The following ZNF630 variants were observed in gnomAD, a reference collection of about 807,000 sequenced individuals.
ZNF630 encodes the protein zinc finger protein 630.
Under a neutral mutation model 7.2 loss-of-function variants are expected in ZNF630, and 5 were observed. The observed-to-expected ratio is 0.70, with a 90% CI of 0.36 to 1.46. The LOEUF (loss-of-function observed/expected upper bound fraction) is 1.46. Ranked by LOEUF, ZNF630 falls within the 40% of genes most tolerant of loss-of-function variation. ZNF630 has a pLI of 0.03. For synonymous variants in ZNF630, 158 were observed against 162.8 expected (o/e 0.97, Z 0.23); for missense variants, 461 against 477.0 (o/e 0.97, Z 0.31).
At chrX:48,064,122 A>C (rs2059119357) in intron 2 of ZNF630, among the ~76,000 whole-genome samples, 1 of 110,653 alleles carries the variant, frequency 9.0e-6, no homozygotes. Flanking sequence ...AAAAATGGGA[A>C]TAACAATGGT....
chrX:48,059,544 A>G lies in ZNF630; in HGVS notation c.898T>C (p.Phe300Leu). ...PYVCGDCRKA[F>L]SEKSHLIVHQ... ...ACAATGAGGTGTGATTTCTCACTGA[A>G]GGCTTTCCTACAATCTCCACATACA... is the stretch of plus-strand genomic sequence containing the variant. The change falls in exon 5 of 5, where the codon TTC becomes CTC. Residue 300 changes from phenylalanine to leucine, a missense_variant. Transcript: ENST00000276054. 1 of 1,207,705 alleles carries G rather than the reference A, an allele frequency of 8.3e-7. No individual in the cohort carries two copies. The highest frequency in any genetic ancestry group is 1.1e-6 in the Non-Finnish European group (1 of 893,050).
intron 1 of ZNF630, among the ~76,000 whole-genome samples, chrX:48,068,043 C>T (rs1026673145): frequency 9.5e-6 from 1 of 105,137 alleles, no homozygotes; most frequent in African/African-American, 3.5e-5. Context: ...GCCTGGGCAA[C>T]GAGCGAGTGA....
At chrX:48,068,515 C>T (rs1484539859) in intron 1 of ZNF630, among the ~76,000 whole-genome samples, 1 of 112,397 alleles carries the variant, frequency 8.9e-6, no homozygotes, top group Non-Finnish European at 1.9e-5. Flanking sequence ...TCCAATTAAA[C>T]ATCATTTTTG....
At chrX:48,070,548 G>A (rs1368472463) in intron 1 of ZNF630, among the ~76,000 whole-genome samples, 4 of 106,004 alleles carry the variant, frequency 3.8e-5, no homozygotes, top group Non-Finnish European at 7.8e-5. Flanking sequence ...AGGAGGTGGA[G>A]GTTGCAGTGA....
rs782145898 is a variant in ZNF630, at chrX:48,057,854, G to C, written c.*614C>G. On this transcript the variant is annotated 3_prime_UTR_variant, in exon 5 of 5. Transcript: ENST00000276054. The stretch of plus-strand genomic sequence containing the variant: ...GTGGATCACCTGAGGTCAGGAGTTC[G>C]AGACCAGCCTTGCCAACATGGTGAA... Among the ~76,000 whole-genome samples the C allele has an allele frequency of 5.9e-3, 645 of 110,167 alleles. 9 individuals carry two copies. The highest frequency in any genetic ancestry group is 0.021 in the African/African-American group (628 of 30,172).
In ZNF630 at chrX:48,059,185, A is replaced by G. The variant is rs2071963; in HGVS notation, c.1257T>C (p.Ile419=). 22 of 1,206,984 alleles carry G rather than the reference A, an allele frequency of 1.8e-5. No homozygotes were observed. In the East Asian group the frequency reaches 6.2e-4, roughly 34 times the overall value. The part of the protein sequence containing the change: ...GKTFPRKTQL[I]IHQRTHTGEK... Reference sequence around the variant, plus strand: ...CTCCAGTATGCGTTCTCTGATGTATAATGAGCTGTGTTTTCCGAGGGAAGG... The same window carrying G: ...CTCCAGTATGCGTTCTCTGATGTATGATGAGCTGTGTTTTCCGAGGGAAGG... Residue 419 remains isoleucine (I), a synonymous_variant, in exon 5 of 5, where the codon ATT becomes ATC. Coordinates refer to ENST00000276054, the MANE Select transcript of ZNF630 (RefSeq NM_001282201.2).
intron 1 of ZNF630, 107 bp from the exon 2 acceptor site, chrX:48,067,168 A>G (rs1242844462): frequency 1.9e-5 from 6 of 309,411 alleles, no homozygotes; most frequent in Non-Finnish European, 3.4e-5. Context: ...GCCCAGCACT[A>G]AAGACTGCTG....
intron 2 of ZNF630, among the ~76,000 whole-genome samples, chrX:48,063,155 C>T (rs782676520): frequency 4.6e-5 from 5 of 107,695 alleles, no homozygotes; most frequent in African/African-American, 1.7e-4. Context: ...ATTCTAGGAA[C>T]TGGGGATACA....
chrX:48,059,604 T>G lies in ZNF630; in HGVS notation c.838A>C (p.Ile280Leu). The change falls in exon 5 of 5, where the codon ATA becomes CTA. Residue 280 changes from isoleucine (I) to leucine (L), a missense_variant. By Grantham distance (5) the Ile-to-Leu change is conservative (BLOSUM62 2). Coordinates refer to ENST00000276054, the MANE Select transcript of ZNF630 (RefSeq NM_001282201.2). ...TCTCCAGTATGAATTCTTTGATGTA[T>G]AATGAGCTGTGACTTCTTGATAAAG... is the stretch of plus-strand genomic sequence containing the variant. ...KAFIKKSQLIIHQRIHTGEKP... is the reference protein window; with the variant it reads ...KAFIKKSQLILHQRIHTGEKP... The G allele has an allele frequency of 8.3e-7, 1 of 1,208,768 alleles. No homozygotes were observed.
Position 48,060,977 on chromosome X carries a change from G to A in ZNF630, c.16-32C>T, listed in dbSNP as rs727079. On this transcript the variant is annotated intron_variant, in intron 2 of 4. Coordinates refer to ENST00000276054, the MANE Select transcript of ZNF630 (RefSeq NM_001282201.2). Reference sequence around the variant, plus strand: ...CAGCACATTCCTGTACAATCTGCTCGTTCTGGTCATTTTTACCATAGCAGT... The same window carrying A: ...CAGCACATTCCTGTACAATCTGCTCATTCTGGTCATTTTTACCATAGCAGT... 5.6e-3 allele frequency: 6,521 copies of A among 1,156,379 alleles called. 54 individuals carry two copies. Among genetic ancestry groups the A allele is most frequent in the Non-Finnish European group, 6.9e-3 (5,912 of 860,855 alleles).
Position 48,059,846 on chromosome X carries a change from G to T in ZNF630, c.596C>A (p.Ala199Glu), listed in dbSNP as rs183951767. The change falls in exon 5 of 5, where the codon GCA becomes GAA. Residue 199 changes from alanine to glutamate, a missense_variant. Transcript: ENST00000276054. ...SDLLNYNRSY[A>E]RKNPTKRFRC... ...AAATCTCTTAGTGGGGTTCTTTCTT[G>T]CATAGCTCCTGTTATAATTTAGTAA... 208 of 1,206,415 alleles carry T rather than the reference G, an allele frequency of 1.7e-4. 1 individual carries two copies. The highest frequency in any genetic ancestry group is 8.1e-5 in the Non-Finnish European group (72 of 892,791).
chrX:48,058,991 T>C lies in ZNF630; in HGVS notation c.1451A>G (p.Glu484Gly), dbSNP rs782060742. 9.9e-6 allele frequency: 12 copies of C among 1,206,567 alleles called. No homozygotes were observed. Among genetic ancestry groups the C allele is most frequent in the Non-Finnish European group, 1.3e-5 (12 of 892,916 alleles). ...LTGHQRLHTG[E>G]KPYMCTECGK... Reference sequence around the variant, plus strand: ...ACATTCAGTACACATATAAGGTTTCTCTCCAGTATGAAGTCTTTGATGGCC... The same window carrying C: ...ACATTCAGTACACATATAAGGTTTCCCTCCAGTATGAAGTCTTTGATGGCC... Residue 484 changes from glutamate (E) to glycine (G), a missense_variant, in exon 5 of 5, where the codon GAG (glutamate) becomes GGG (glycine). Glu to Gly is a moderately conservative substitution (Grantham distance 98). Coordinates refer to ENST00000276054, the MANE Select transcript of ZNF630 (RefSeq NM_001282201.2).
chrX:48,058,725 A>C lies in ZNF630; in HGVS notation c.1717T>G (p.Cys573Gly). The C allele has an allele frequency of 2.5e-6, 3 of 1,207,839 alleles. No individual in the cohort carries two copies. The highest frequency in any genetic ancestry group is 2.2e-6 in the Non-Finnish European group (2 of 892,861). ...RGHTGEKPYECSECGKAFCGK... is the reference protein window; with the variant it reads ...RGHTGEKPYEGSECGKAFCGK... ...CAGAAGGCCTTTCCACATTCACTAC[A>C]TTCATAGGGTTTCTCTCCAGTATGA... The change falls in exon 5 of 5, where the codon TGT (cysteine) becomes GGT (glycine). Residue 573 changes from cysteine (C) to glycine (G), a missense_variant. Cys to Gly is a radical substitution (Grantham distance 159, BLOSUM62 -3). Coordinates refer to ENST00000276054, the MANE Select transcript of ZNF630 (RefSeq NM_001282201.2).
intron 2 of ZNF630, among the ~76,000 whole-genome samples, chrX:48,062,133 G>A (rs1339891038): frequency 1.8e-5 from 2 of 111,549 alleles, no homozygotes; most frequent in Non-Finnish European, 3.8e-5. Flanking sequence ...GTGACTTAGG[G>A]TAAGTTAGTG....
intron 2 of ZNF630, among the ~76,000 whole-genome samples, chrX:48,066,057 C>T (rs781973145): frequency 6.3e-5 from 7 of 110,846 alleles, no homozygotes; most frequent in African/African-American, 9.9e-5. Flanking sequence ...AGTAGCAGAA[C>T]GGAATAGAAA....
chrX:48,070,478 T>G (rs2059155055), intron 1 of ZNF630, among the ~76,000 whole-genome samples: 2 of 108,108 alleles, frequency 1.8e-5, no homozygotes, highest in Admixed American at 9.9e-5. Context: ...CCAGGCGTGG[T>G]GGCAGGCGCC....
chrX:48,060,386 GGATGTCAGA>G, intron 4 of ZNF630, 55 bp downstream of exon 4: 2 of 1,070,658 alleles, frequency 1.9e-6, no homozygotes, highest in Non-Finnish European at 2.5e-6. Flanking sequence ...AAAAGGTAAC[GGATGTCAGA>G]GATGTCAAGG....
chrX:48,060,244 C>T (rs1556908961), intron 4 of ZNF630, 41 bp from the exon 5 acceptor site: 2 of 24,536 alleles, frequency 8.2e-5, no homozygotes, highest in South Asian at 2.5e-3. Context: ...TACACACACA[C>T]ACACACACAC....
intron 1 of ZNF630, among the ~76,000 whole-genome samples, chrX:48,067,641 A>C (rs1299594322): frequency 2.7e-5 from 3 of 111,796 alleles, no homozygotes; most frequent in African/African-American, 9.8e-5. Context: ...TCTACTAAAA[A>C]AATGCAAAAA....
Sources: gnomAD v4.1 joint callset for allele counts (sites outside exome capture counted in the v4.1 genomes callset) on GRCh38, gnomAD v4.1.1 for gene constraint, MANE v1.5 for transcripts, NCBI Gene and HGNC (gene_info 2026-07-23, HGNC 2026-07-21) for gene names.